ROBO1: variants seen among roughly 807,000 people sequenced by gnomAD.
ROBO1 encodes the protein roundabout guidance receptor 1.
Under a neutral mutation model 195.9 loss-of-function variants are expected in ROBO1, and 149 were observed. That is an observed-to-expected ratio of 0.76 (90% confidence interval 0.67 to 0.87). The LOEUF (loss-of-function observed/expected upper bound fraction) is 0.87. Among genes scored for constraint, ROBO1 ranks in the 40% least tolerant of loss-of-function variants. The pLI, the probability that ROBO1 is intolerant of heterozygous loss-of-function variation, is 0.00. For synonymous variants in ROBO1, 816 were observed against 733.2 expected (o/e 1.11, Z -1.82); for missense variants, 1,933 against 2,068.3 (o/e 0.93, Z 1.27).
chr3:79,565,292 T>C (rs896210464), intron 2 of ROBO1, among the ~76,000 whole-genome samples: 2 of 151,810 alleles, frequency 1.3e-5, no homozygotes, highest in Admixed American at 6.6e-5. Flanking sequence ...TTCCTCTTTT[T>C]CTTTGTGTGA....
At chr3:79,689,478 G>A (rs1456893322) in intron 1 of ROBO1, among the ~76,000 whole-genome samples, 1 of 151,658 alleles carries the variant, frequency 6.6e-6, no homozygotes, top group East Asian at 1.9e-4. Flanking sequence ...TTTGCTATAC[G>A]AGGCTGCTTT....
intron 25 of ROBO1, among the ~76,000 whole-genome samples, chr3:78,629,509 C>A (rs1705042653): frequency 6.6e-6 from 1 of 151,920 alleles, no homozygotes; most frequent in Non-Finnish European, 1.5e-5. Context: ...CTGGGCAACA[C>A]AGTGAAATAT....
chr3:79,694,088 A>G (rs547370911), intron 1 of ROBO1, among the ~76,000 whole-genome samples: 2 of 151,992 alleles, frequency 1.3e-5, no homozygotes, highest in African/African-American at 4.8e-5. Flanking sequence ...AACAACTTCT[A>G]TGTAATCACA....
intron 9 of ROBO1, among the ~76,000 whole-genome samples, chr3:78,686,893 C>T (rs1050903597): frequency 2.0e-5 from 3 of 152,030 alleles, no homozygotes; most frequent in African/African-American, 7.2e-5. Flanking sequence ...TAAAAGATCA[C>T]GCTTCTTAGA....
intron 26 of ROBO1, among the ~76,000 whole-genome samples, chr3:78,621,335 GT>G (rs1704443652): frequency 6.6e-6 from 1 of 152,228 alleles, no homozygotes; most frequent in South Asian, 2.1e-4. Context: ...TTAAAGACAT[GT>G]AAGACTTTTT....
intron 2 of ROBO1, among the ~76,000 whole-genome samples, chr3:79,300,122 C>T (rs2032827314): frequency 6.6e-6 from 1 of 152,212 alleles, no homozygotes; most frequent in Admixed American, 6.5e-5. Context: ...TTTGGCGGCA[C>T]TTGAGGAGCC....
intron 3 of ROBO1, among the ~76,000 whole-genome samples, chr3:78,976,821 A>G (rs928415263): frequency 3.9e-5 from 6 of 152,222 alleles, no homozygotes; most frequent in Non-Finnish European, 8.8e-5. Context: ...AACCCTATGC[A>G]TAAGAGAGCA....
At chr3:79,121,040 G>A (rs574725126) in intron 3 of ROBO1, among the ~76,000 whole-genome samples, 2 of 152,222 alleles carry the variant, frequency 1.3e-5, no homozygotes, top group Admixed American at 1.3e-4. Context: ...AGGAAGATGT[G>A]ATTAATTTTG....
chr3:78,799,502 C>T (rs575424076), intron 4 of ROBO1, among the ~76,000 whole-genome samples: 2 of 152,046 alleles, frequency 1.3e-5, no homozygotes, highest in South Asian at 4.2e-4. Context: ...CCACCATGCC[C>T]GGCTAATTTT....
At chr3:79,536,548 A>G (rs930698435) in intron 2 of ROBO1, among the ~76,000 whole-genome samples, 24 of 152,192 alleles carry the variant, frequency 1.6e-4, no homozygotes, top group African/African-American at 5.8e-4. Context: ...TATTAATTTG[A>G]TTGCACACAG....
At chr3:79,032,025 G>A (rs1192154779) in intron 3 of ROBO1, among the ~76,000 whole-genome samples, 1 of 152,002 alleles carries the variant, frequency 6.6e-6, no homozygotes, top group Non-Finnish European at 1.5e-5. Context: ...CCAAAAAAAT[G>A]AAAAGGACAT....
intron 4 of ROBO1, among the ~76,000 whole-genome samples, chr3:78,889,258 T>C (rs1263557270): frequency 1.3e-5 from 2 of 152,192 alleles, no homozygotes; most frequent in Non-Finnish European, 2.9e-5. Flanking sequence ...GTTTAAAAAA[T>C]GAAGGATGAG....
chr3:78,939,411 A>G (rs564555357), intron 3 of ROBO1, among the ~76,000 whole-genome samples: 43 of 151,502 alleles, frequency 2.8e-4, no homozygotes, highest in Non-Finnish European at 4.0e-4. Context: ...TCAGGAGATC[A>G]AGACCATCCT....
intron 4 of ROBO1, among the ~76,000 whole-genome samples, chr3:78,775,785 C>G (rs915406611): frequency 3.3e-5 from 5 of 152,174 alleles, no homozygotes; most frequent in Admixed American, 6.5e-5. Context: ...GTCTGGGAAC[C>G]ATTTTTGGCC....
intron 2 of ROBO1, among the ~76,000 whole-genome samples, chr3:79,152,971 C>T (rs1016602227): frequency 6.6e-6 from 1 of 151,524 alleles, no homozygotes; most frequent in African/African-American, 2.4e-5. Context: ...TTTTGAAAAG[C>T]GAAAGAGGTT....
intron 14 of ROBO1, among the ~76,000 whole-genome samples, chr3:78,663,604 A>G (rs572466437): frequency 5.3e-5 from 8 of 152,282 alleles, no homozygotes; most frequent in African/African-American, 1.4e-4. Context: ...GTAACATTGG[A>G]ACAATTTCTT....
rs557253741 is a variant in ROBO1 at position 78,696,689 on chromosome 3, C to CAT, written c.1046-7919_1046-7918dup. On this transcript the variant is annotated intron_variant, in intron 8 of 30. Transcript: ENST00000464233. ...ACACATATATATACATGTATACATA[C>CAT]ATATATATATACACATATATATACA... is the stretch of plus-strand genomic sequence containing the variant. 1.7e-3 allele frequency among the ~76,000 whole-genome samples: 242 copies of CAT among 145,864 alleles called. 3 individuals are homozygous for CAT. The highest frequency in any genetic ancestry group is 7.5e-3 in the Middle Eastern group (2 of 268).
At chr3:78,782,678 T>C (rs1040967619) in intron 4 of ROBO1, among the ~76,000 whole-genome samples, 7 of 152,240 alleles carry the variant, frequency 4.6e-5, no homozygotes, top group Non-Finnish European at 1.0e-4. Context: ...GTTTTTATTT[T>C]CTACTTTTTA....
At chr3:78,995,170 A>G (rs1356218995) in intron 3 of ROBO1, among the ~76,000 whole-genome samples, 1 of 152,178 alleles carries the variant, frequency 6.6e-6, no homozygotes, top group East Asian at 1.9e-4. Flanking sequence ...GTAACTGATG[A>G]TATTCTTTTC....
Sources: gnomAD v4.1 joint callset for allele counts (sites outside exome capture counted in the v4.1 genomes callset) on GRCh38, gnomAD v4.1.1 for gene constraint, MANE v1.5 for transcripts, NCBI Gene and HGNC (gene_info 2026-07-23, HGNC 2026-07-21) for gene names.